The following NFIB variants were observed in gnomAD, a reference collection of about 807,000 sequenced individuals.
The protein encoded by NFIB is nuclear factor 1 B-type.
NFIB carries 11 observed loss-of-function variants against 61.5 expected under a neutral mutation model. The observed-to-expected ratio is 0.18, with a 90% CI of 0.11 to 0.30. The LOEUF is 0.30. Ranked by LOEUF, NFIB falls within the 10% of genes least tolerant of loss-of-function variation. NFIB has a pLI of 1.00. For synonymous variants in NFIB, 260 were observed against 216.5 expected (o/e 1.20, Z -1.76); for missense variants, 471 against 608.9 (o/e 0.77, Z 2.38).
chr9:14,332,902 G>T (rs2060839481), intron 1 of NFIB, among the ~76,000 whole-genome samples: 1 of 152,194 alleles, frequency 6.6e-6, no homozygotes, highest in Non-Finnish European at 1.5e-5. Flanking sequence ...GTTCAATGAG[G>T]TCGGAAGGGT....
At chr9:14,494,189 T>C in the NFIB span, among the ~76,000 whole-genome samples, 3 of 152,320 alleles carry the variant, frequency 2.0e-5, no homozygotes, top group East Asian at 5.8e-4. Flanking sequence ...ATGGTTTAAA[T>C]TCAGCAAAAA....
At chr9:14,125,901 G>T (rs528670825) in intron 6 of NFIB, 135 bp from the exon 7 acceptor site, 4 of 1,172,044 alleles carry the variant, frequency 3.4e-6, no homozygotes, top group Non-Finnish European at 4.6e-6. Flanking sequence ...TATATTCTGA[G>T]TGTCAACGAT....
chr9:14,443,615 C>A, the NFIB span, among the ~76,000 whole-genome samples: 4,405 of 152,316 alleles, frequency 0.029, 94 homozygotes, highest in Middle Eastern at 0.041. Flanking sequence ...CTCCTCTTAA[C>A]ACTCTCGGAG....
intron 2 of NFIB, among the ~76,000 whole-genome samples, chr9:14,241,645 A>G (rs1369291033): frequency 6.6e-6 from 1 of 152,186 alleles, no homozygotes; most frequent in Non-Finnish European, 1.5e-5. Flanking sequence ...TCTGAAATGT[A>G]GATACATAAG....
intron 9 of NFIB, among the ~76,000 whole-genome samples, 187 bp downstream of exon 9, chr9:14,116,021 G>C (rs965156371): frequency 2.0e-5 from 3 of 152,198 alleles, no homozygotes; most frequent in Non-Finnish European, 2.9e-5. Context: ...AGAAGAGAGA[G>C]CCTGTGATAG....
In NFIB at chr9:14,335,853, A is replaced by T. The variant is rs187064093; in HGVS notation, c.109-28333T>A. Among the ~76,000 whole-genome samples the T allele has an allele frequency of 1.3e-3, 201 of 152,332 alleles. 2 individuals are homozygous for T. The highest frequency in any genetic ancestry group is 5.2e-3 in the South Asian group (25 of 4,830). On this transcript the variant is annotated intron_variant, in intron 1 of 8. Transcript: ENST00000380934. ...CCATTTTCAGTTAAACTTTGTATTT[A>T]GTGCAAGGTATGAGTCAAAATTCAT... is the stretch of plus-strand genomic sequence containing the variant.
intron 2 of NFIB, among the ~76,000 whole-genome samples, chr9:14,180,177 C>A (rs561820245): frequency 6.6e-6 from 1 of 152,202 alleles, no homozygotes; most frequent in South Asian, 2.1e-4. Flanking sequence ...CATTTAAAAG[C>A]CTGAAAGTAT....
the NFIB span, among the ~76,000 whole-genome samples, chr9:14,502,487 T>A: frequency 1.3e-5 from 2 of 152,158 alleles, no homozygotes; most frequent in Non-Finnish European, 2.9e-5. Context: ...AAGAAAGTGG[T>A]GCAAAACCTT....
At chr9:14,363,355 A>G (rs1588370956) in intron 1 of NFIB, among the ~76,000 whole-genome samples, 1 of 152,060 alleles carries the variant, frequency 6.6e-6, no homozygotes, top group East Asian at 1.9e-4. Flanking sequence ...AGAACACTCT[A>G]CTGTGGGCTA....
rs545548987 is a variant in NFIB at position 14,295,259 on chromosome 9, T to C, written c.562+11730A>G. Among the ~76,000 whole-genome samples, 72 of 152,282 alleles carry C rather than the reference T, an allele frequency of 4.7e-4. 1 individual carries two copies. The South Asian group carries it at 0.014, about 29-fold the overall frequency. On this transcript the variant is annotated intron_variant, in intron 2 of 10. Coordinates refer to ENST00000380953, the MANE Select transcript of NFIB (RefSeq NM_001190737.2). Reference sequence around the variant, plus strand: ...AAACGGTTTGAGGTTTTGACTCAACTAAGGGTCATTTTTAAATATGATACT... The same window carrying C: ...AAACGGTTTGAGGTTTTGACTCAACCAAGGGTCATTTTTAAATATGATACT...
chr9:14,120,343 T>C lies in NFIB; in HGVS notation c.1245+97A>G. On this transcript the variant is annotated intron_variant, in intron 8 of 10. Coordinates refer to ENST00000380953, the MANE Select transcript of NFIB (RefSeq NM_001190737.2). The surrounding 1 kb of genome is among the most constrained non-coding windows in gnomAD (Gnocchi z 4.4). ...TGAAGATGGATTTCAAGGCTTGACG[T>C]TCTGCCAGACACACTGTCTGACTAA... 7.6e-7 allele frequency: 1 copy of C among 1,317,568 alleles called. No individual in the cohort carries two copies. The highest frequency in any genetic ancestry group is 1.1e-6 in the Non-Finnish European group (1 of 919,066). 81.6% of individuals were successfully genotyped at this position (1,317,568 alleles called of 1,614,324 possible).
rs535199499 is a variant in NFIB at position 14,313,390 on chromosome 9, G to A, written c.30+92C>T. The A allele has an allele frequency of 1.9e-6, 3 of 1,572,658 alleles. No individual in the cohort carries two copies. Among genetic ancestry groups the A allele is most frequent in the Non-Finnish European group, 2.6e-6 (3 of 1,146,500 alleles). Reference sequence around the variant, plus strand: ...TCTCCAAGGGACGGGGATGTGCGGAGGTTAACTCAAGCCGCTAATTGTCCG... The same window carrying A: ...TCTCCAAGGGACGGGGATGTGCGGAAGTTAACTCAAGCCGCTAATTGTCCG... On this transcript the variant is annotated intron_variant, in intron 1 of 10. Transcript: ENST00000380953. This position sits in a 1 kb window ranked among gnomAD's most constrained non-coding sequence, Gnocchi z 4.5.
chr9:14,313,853 G>C lies in NFIB; in HGVS notation c.-342C>G. On this transcript the variant is annotated 5_prime_UTR_variant, in exon 1 of 11. Coordinates refer to ENST00000380953, the MANE Select transcript of NFIB (RefSeq NM_001190737.2). The surrounding 1 kb of genome is among the most constrained non-coding windows in gnomAD (Gnocchi z 4.5). ...GGGATTTGTTTTCTATTTTGCAGTT[G>C]TTGTTGTTGTTGGGGTGTAGGGGGT... The C allele has an allele frequency of 8.2e-7, 1 of 1,212,710 alleles. No homozygotes were observed. Among genetic ancestry groups the C allele is most frequent in the African/African-American group, 1.6e-5 (1 of 64,336 alleles). The allele number at this position is 1,212,710 out of a possible 1,614,324, so 75.1% of individuals were successfully genotyped here.
chr9:14,301,622 T>C (rs1373341527), intron 2 of NFIB, among the ~76,000 whole-genome samples: 2 of 150,484 alleles, frequency 1.3e-5, no homozygotes, highest in Non-Finnish European at 2.9e-5. Flanking sequence ...AATGAGATCA[T>C]ATTAACTGCA....
the NFIB span, among the ~76,000 whole-genome samples, chr9:14,470,109 G>A: frequency 2.6e-5 from 4 of 152,172 alleles, no homozygotes; most frequent in South Asian, 2.1e-4. Context: ...TATCTGAAAT[G>A]AAAGATCACA....
the NFIB span, among the ~76,000 whole-genome samples, chr9:14,462,416 G>A: frequency 2.0e-5 from 3 of 152,094 alleles, no homozygotes; most frequent in African/African-American, 4.8e-5. Flanking sequence ...CCCAGCAGCA[G>A]GGACTACAGG....
chr9:14,424,705 G>T, the NFIB span, among the ~76,000 whole-genome samples: 2 of 152,220 alleles, frequency 1.3e-5, no homozygotes. Context: ...CAGAGGCAGA[G>T]CTCCGAGGGC....
intron 10 of NFIB, among the ~76,000 whole-genome samples, chr9:14,092,765 G>A (rs1007512155): frequency 6.6e-6 from 1 of 151,980 alleles, no homozygotes; most frequent in Non-Finnish European, 1.5e-5. Flanking sequence ...TCTAGTTGAA[G>A]TTCTACTAGG....
chr9:14,378,503 C>T (rs1359307558), intron 1 of NFIB, among the ~76,000 whole-genome samples: 2 of 152,098 alleles, frequency 1.3e-5, no homozygotes, highest in East Asian at 1.9e-4. Context: ...ACTATAGGCA[C>T]GCGCCACCAC....
Sources: gnomAD v4.1 joint callset for allele counts (sites outside exome capture counted in the v4.1 genomes callset) on GRCh38, gnomAD v4.1.1 for gene constraint, Gnocchi (gnomAD v3.1) non-coding constraint, MANE v1.5 for transcripts, NCBI Gene and HGNC (gene_info 2026-07-23, HGNC 2026-07-21) for gene names.